The following CCDC82 variants were observed in gnomAD, a reference collection of about 807,000 sequenced individuals.
CCDC82 encodes coiled-coil domain-containing protein 82.
In CCDC82, 47 loss-of-function variants were observed where a neutral mutation model predicts 60.6. The ratio of observed to expected loss-of-function variants is 0.77; its 90% CI spans 0.61 to 0.99. CCDC82 has a LOEUF of 0.99. CCDC82 is among the 50% of genes least tolerant of loss of function. The probability of loss-of-function intolerance (pLI) is 0.00; values close to 1 mark genes in which losing one functional copy is unlikely to be tolerated. For missense variants in CCDC82, 588 were observed against 633.0 expected (o/e 0.93, Z 0.76); for synonymous variants, 212 against 207.4 (o/e 1.02, Z -0.19).
chr11:96,362,172 G>A (rs1864695118), intron 8 of CCDC82, among the ~76,000 whole-genome samples: 1 of 152,144 alleles, frequency 6.6e-6, no homozygotes, highest in Non-Finnish European at 1.5e-5. Context: ...ACTGAGGCAA[G>A]GAAATATAAT....
intron 5 of CCDC82, chr11:96,381,894 C>T (rs1337800449): frequency 6.6e-6 from 1 of 151,760 alleles, no homozygotes; most frequent in African/African-American, 2.4e-5. Flanking sequence ...AGGCAGCTGG[C>T]CCCTTAACTT....
chr11:96,381,724 C>A (rs1865886004), intron 5 of CCDC82: 1 of 151,746 alleles, frequency 6.6e-6, no homozygotes, highest in Non-Finnish European at 1.5e-5. Flanking sequence ...TTCAAAAAGT[C>A]TGATAAAACC....
chr11:96,380,230 T>C (rs183494619), intron 5 of CCDC82, among the ~76,000 whole-genome samples: 6 of 151,550 alleles, frequency 4.0e-5, no homozygotes, highest in African/African-American at 1.4e-4. Context: ...AAGATAAAAT[T>C]TAAAATAGTA....
intron 5 of CCDC82, 142 bp from the exon 6 acceptor site, chr11:96,373,609 G>A (rs896669900): frequency 1.0e-4 from 51 of 511,732 alleles, no homozygotes; most frequent in African/African-American, 1.4e-4. Context: ...TAGCTTCCTC[G>A]ATGACTTGTT....
rs1866061479 is a variant in CCDC82 at position 96,384,339 on chromosome 11, G to A, written c.409C>T (p.Leu137Phe). The change falls in exon 4 of 10, where the codon CTC becomes TTC. Residue 137 changes from leucine (L) to phenylalanine (F), a missense_variant. Leu to Phe is a conservative substitution (Grantham distance 22). Transcript: ENST00000646818. Reference protein sequence around the residue: ...EKHLSQEDNDLNKQTGQIIED... With the variant: ...EKHLSQEDNDFNKQTGQIIED... The stretch of plus-strand genomic sequence containing the variant: ...ATTATTTGTCCAGTTTGTTTGTTGA[G>A]ATCATTATCCTCTTGACTTAAATGT... 6.2e-7 allele frequency: 1 copy of A among 1,613,342 alleles called. No homozygotes were observed. Among genetic ancestry groups the A allele is most frequent in the Non-Finnish European group, 8.5e-7 (1 of 1,179,738 alleles).
chr11:96,378,007 C>T (rs960097961), intron 5 of CCDC82, among the ~76,000 whole-genome samples: 4 of 151,938 alleles, frequency 2.6e-5, no homozygotes, highest in African/African-American at 9.7e-5. Context: ...CAATTTTCTT[C>T]CTTTACATTT....
rs1181191919 is a variant in CCDC82, at chr11:96,384,712, ATTT to A, written c.33_35del (p.Arg11_Asn12delinsSer). 3 of 1,608,910 alleles carry A rather than the reference ATTT, an allele frequency of 1.9e-6. No individual in the cohort carries two copies. In the East Asian group the frequency reaches 6.7e-5, roughly 36 times the overall value. ...TCTGCTCAGGCACGTGACTCTTAGA[ATTT>A]CTCCTTGTTTCATGTCTTCTAACAT... is the stretch of plus-strand genomic sequence containing the variant. On this transcript the variant is annotated inframe_deletion, in exon 4 of 10. Coordinates refer to ENST00000646818, the MANE Select transcript of CCDC82 (RefSeq NM_024725.4).
At chr11:96,365,319 T>C (rs1318613170) in intron 7 of CCDC82, among the ~76,000 whole-genome samples, 169 bp from the exon 8 acceptor site, 2 of 152,120 alleles carry the variant, frequency 1.3e-5, no homozygotes, top group East Asian at 1.9e-4. Context: ...TTTTACAAGA[T>C]ATGTTTAAAT....
At chr11:96,354,899 T>C (rs1380736265) in intron 9 of CCDC82, 1 of 152,194 alleles carries the variant, frequency 6.6e-6, no homozygotes, top group Non-Finnish European at 1.5e-5. Flanking sequence ...CTGACTTTTG[T>C]GGTGATAGGG....
At chr11:96,376,464 GT>G (rs1205559672) in intron 5 of CCDC82, among the ~76,000 whole-genome samples, 39 of 137,224 alleles carry the variant, frequency 2.8e-4, no homozygotes, top group South Asian at 9.1e-4. Context: ...TCTTACTCTT[GT>G]CACCCAGGCT....
In CCDC82 at chr11:96,371,157, C is replaced by CA. The variant is rs759280725; in HGVS notation, c.1085-21dup. ...TGCCATCTGTTCAGGGGATAAACAA[C>CA]AAAAAAAATCATTTTGTTAATTAGA... On this transcript the variant is annotated intron_variant, in intron 6 of 9. Coordinates refer to ENST00000646818, the MANE Select transcript of CCDC82 (RefSeq NM_024725.4). The CA allele has an allele frequency of 1.3e-4, 186 of 1,448,214 alleles. No homozygotes were observed. Among genetic ancestry groups the CA allele is most frequent in the African/African-American group, 3.2e-4 (22 of 68,240 alleles). The allele number at this position is 1,448,214 out of a possible 1,614,324, so 89.7% of individuals were successfully genotyped here.
At chr11:96,383,707 TAAG>T (rs1351774139) in intron 4 of CCDC82, among the ~76,000 whole-genome samples, 10 of 152,026 alleles carry the variant, frequency 6.6e-5, no homozygotes, top group Admixed American at 6.6e-4. Flanking sequence ...ATTAGAATTA[TAAG>T]AAGTTAAAAA....
intron 7 of CCDC82, among the ~76,000 whole-genome samples, chr11:96,368,798 G>A (rs773078089): frequency 2.0e-5 from 3 of 151,858 alleles, no homozygotes; most frequent in Non-Finnish European, 2.9e-5. Flanking sequence ...CCCAGAAGGC[G>A]GAGCTTGCAG....
intron 4 of CCDC82, 118 bp downstream of exon 4, chr11:96,383,843 TA>T (rs1259302733): frequency 5.5e-5 from 52 of 941,850 alleles, no homozygotes; most frequent in African/African-American, 1.0e-4. Flanking sequence ...AATACTTGAT[TA>T]AAAAATAAAT....
chr11:96,372,286 A>AT (rs1865314903), intron 6 of CCDC82, among the ~76,000 whole-genome samples: 1 of 152,196 alleles, frequency 6.6e-6, no homozygotes, highest in Non-Finnish European at 1.5e-5. Context: ...ACTAGCAGAT[A>AT]ACATAAACTT....
chr11:96,383,157 A>G, intron 5 of CCDC82, 112 bp downstream of exon 5: 2 of 695,324 alleles, frequency 2.9e-6, no homozygotes, highest in South Asian at 1.7e-5. Flanking sequence ...TCTGAAAATG[A>G]AACCACAGTT....
At chr11:96,360,561 T>C (rs573424696) in intron 8 of CCDC82, among the ~76,000 whole-genome samples, 1 of 152,288 alleles carries the variant, frequency 6.6e-6, no homozygotes, top group African/African-American at 2.4e-5. Flanking sequence ...CCAAACATTA[T>C]GATATGGTCA....
intron 9 of CCDC82, chr11:96,358,740 T>G: frequency 1.0e-6 from 1 of 971,668 alleles, no homozygotes; most frequent in Non-Finnish European, 1.4e-6. Context: ...AGGACAGAGG[T>G]CCTTCAATAA....
In CCDC82 at chr11:96,384,154, G is replaced by A. The variant is rs770315262; in HGVS notation, c.594C>T (p.Ser198=). ...CACCTACTTTTCTAACTAGGATATC[G>A]CTGTCATCACTCTCATCACTGTCAC... ...VMCDSDESDD[S]DILVRKVGVK... Residue 198 remains serine (S), a synonymous_variant, in exon 4 of 10, where the codon AGC becomes AGT. Transcript: ENST00000646818. 23 of 1,613,594 alleles carry A rather than the reference G, an allele frequency of 1.4e-5. No homozygotes were observed. In the East Asian group the frequency reaches 2.0e-4, roughly 14 times the overall value.
Sources: gnomAD v4.1 joint callset for allele counts (sites outside exome capture counted in the v4.1 genomes callset) on GRCh38, gnomAD v4.1.1 for gene constraint, MANE v1.5 for transcripts, NCBI Gene and HGNC (gene_info 2026-07-23, HGNC 2026-07-21) for gene names.